The following TLK1 variants were observed in gnomAD, a reference collection of about 807,000 sequenced individuals.
TLK1 encodes serine/threonine-protein kinase tousled-like 1.
TLK1 carries 24 observed loss-of-function variants against 105.3 expected under a neutral mutation model. That is an observed-to-expected ratio of 0.23 (90% CI 0.17 to 0.32). The LOEUF is 0.32. Among genes scored for constraint, TLK1 ranks in the 10% least tolerant of loss-of-function variants. The pLI is 1.00. For missense variants in TLK1, 558 were observed against 910.5 expected (o/e 0.61, Z 4.98); for synonymous variants, 321 against 310.4 (o/e 1.03, Z -0.36).
At chr2:171,214,797 C>G (rs1482908774) in intron 1 of TLK1, among the ~76,000 whole-genome samples, 1 of 152,188 alleles carries the variant, frequency 6.6e-6, no homozygotes, top group Non-Finnish European at 1.5e-5. Flanking sequence ...AAATTACTTT[C>G]TATACTTTGC....
In TLK1 at chr2:171,046,162, ATG is replaced by A; in HGVS notation, c.1169+10_1169+11del. On this transcript the variant is annotated intron_variant, in intron 11 of 20. Transcript: ENST00000431350. ...CAATTTTAAAAAAGAAAAATTTTAA[ATG>A]GAGGCTTACAGTTGTGGTAAATTTG... 2.0e-6 allele frequency: 3 copies of A among 1,512,110 alleles called. No homozygotes were observed. The highest frequency in any genetic ancestry group is 2.6e-6 in the Non-Finnish European group (3 of 1,132,434). The allele number at this position is 1,512,110 out of a possible 1,614,324, so 93.7% of individuals were successfully genotyped here.
At chr2:171,084,488 AAATGC>A (rs1236339309) in intron 2 of TLK1, among the ~76,000 whole-genome samples, 2 of 152,222 alleles carry the variant, frequency 1.3e-5, no homozygotes, top group African/African-American at 4.8e-5. Flanking sequence ...CTCAGAAAGC[AAATGC>A]CACAGTTTTG....
upstream of TLK1, among the ~76,000 whole-genome samples, chr2:171,164,147 G>A (rs1284396661): frequency 6.6e-6 from 1 of 152,104 alleles, no homozygotes; most frequent in Non-Finnish European, 1.5e-5. Flanking sequence ...TTCCTTAGAA[G>A]GACAATTAAA....
intron 1 of TLK1, among the ~76,000 whole-genome samples, chr2:171,133,051 T>C (rs145923136): frequency 8.9e-4 from 135 of 152,284 alleles, no homozygotes; most frequent in African/African-American, 2.9e-3. Flanking sequence ...CTATAACTTC[T>C]TGGAGCTCAA....
At chr2:170,999,091 G>A (rs775116344) in intron 18 of TLK1, among the ~76,000 whole-genome samples, 1 of 152,042 alleles carries the variant, frequency 6.6e-6, no homozygotes, top group African/African-American at 2.4e-5. Context: ...ATAGATGAAG[G>A]GTAAAAATCA....
At chr2:171,081,890 C>G (rs1418417152) in intron 3 of TLK1, among the ~76,000 whole-genome samples, 1 of 152,052 alleles carries the variant, frequency 6.6e-6, no homozygotes, top group African/African-American at 2.4e-5. Context: ...AACAAAATGC[C>G]TAAGAGTTTC....
At chr2:171,066,343 G>A (rs1330193361) in intron 3 of TLK1, among the ~76,000 whole-genome samples, 1 of 152,084 alleles carries the variant, frequency 6.6e-6, no homozygotes, top group Non-Finnish European at 1.5e-5. Context: ...ATTTTCTGCT[G>A]TACTGCCTTT....
chr2:171,223,082 TG>T (rs1693837640), intron 1 of TLK1, among the ~76,000 whole-genome samples: 1 of 152,216 alleles, frequency 6.6e-6, no homozygotes, highest in Non-Finnish European at 1.5e-5. Context: ...CCCAAAGTGC[TG>T]AAATTACAGG....
chr2:171,086,050 G>A (rs917852960), intron 2 of TLK1, among the ~76,000 whole-genome samples: 2 of 151,792 alleles, frequency 1.3e-5, no homozygotes, highest in East Asian at 1.9e-4. Context: ...TCGTATCTTC[G>A]AATTTCATAA....
At chr2:171,022,166 T>C (rs1685557178) in intron 12 of TLK1, among the ~76,000 whole-genome samples, 1 of 150,854 alleles carries the variant, frequency 6.6e-6, no homozygotes, top group Admixed American at 6.6e-5. Context: ...ATTTTCATTT[T>C]GGTAGCTGAA....
chr2:171,090,429 T>C (rs941453388), intron 2 of TLK1, among the ~76,000 whole-genome samples: 1 of 144,206 alleles, frequency 6.9e-6, no homozygotes, highest in African/African-American at 2.7e-5. Context: ...GGATAATCTT[T>C]ATTTCTTGAT....
At chr2:171,043,740 C>CA (rs1438267251) in intron 11 of TLK1, among the ~76,000 whole-genome samples, 2 of 151,214 alleles carry the variant, frequency 1.3e-5, no homozygotes, top group Non-Finnish European at 3.0e-5. Context: ...ACATACTTTG[C>CA]TTTTTTTTTC....
chr2:171,016,475 G>T (rs1210258102), intron 12 of TLK1, among the ~76,000 whole-genome samples: 1 of 152,160 alleles, frequency 6.6e-6, no homozygotes, highest in Non-Finnish European at 1.5e-5. Context: ...AAGAAATACA[G>T]ATCACCTTGG....
intron 11 of TLK1, among the ~76,000 whole-genome samples, chr2:171,036,133 G>A (rs1686320469): frequency 6.6e-6 from 1 of 152,156 alleles, no homozygotes; most frequent in Non-Finnish European, 1.5e-5. Flanking sequence ...GGGGACAGAG[G>A]CTAGAATTTT....
At chr2:171,117,889 T>C in intron 1 of TLK1, 32 bp from the exon 2 acceptor site, 2 of 1,426,870 alleles carry the variant, frequency 1.4e-6, no homozygotes, top group Non-Finnish European at 1.9e-6. Context: ...TATGTACACA[T>C]ATATATGTGT....
At chr2:171,202,482 G>A (rs947712614) in intron 1 of TLK1, among the ~76,000 whole-genome samples, 6 of 151,922 alleles carry the variant, frequency 3.9e-5, no homozygotes, top group Admixed American at 1.3e-4. Context: ...CCTGCCAGGC[G>A]CAGCAGTGGC....
At chr2:171,186,825 C>T (rs911891922) in intron 1 of TLK1, among the ~76,000 whole-genome samples, 6 of 151,712 alleles carry the variant, frequency 4.0e-5, no homozygotes, top group African/African-American at 9.7e-5. Flanking sequence ...TTTGGGAGGC[C>T]GAGACGGGTG....
intron 2 of TLK1, among the ~76,000 whole-genome samples, chr2:171,105,429 T>C (rs368758476): frequency 6.6e-6 from 1 of 152,238 alleles, no homozygotes. Flanking sequence ...CTCACGCCTG[T>C]AATCCCAGCA....
intron 3 of TLK1, among the ~76,000 whole-genome samples, chr2:171,081,380 T>TA (rs764641831): frequency 1.2e-3 from 181 of 152,270 alleles, no homozygotes; most frequent in Non-Finnish European, 2.1e-3. Context: ...GAGAAATATC[T>TA]AACATTATTT....
Sources: gnomAD v4.1 joint callset for allele counts (sites outside exome capture counted in the v4.1 genomes callset) on GRCh38, gnomAD v4.1.1 for gene constraint, MANE v1.5 for transcripts, NCBI Gene and HGNC (gene_info 2026-07-23, HGNC 2026-07-21) for gene names.